Variants in PSD3 observed in about 807,000 individuals in gnomAD.
The protein encoded by PSD3 is pleckstrin and Sec7 domain containing 3.
A neutral mutation model predicts 105.5 loss-of-function variants in PSD3; 49 were observed. That is an observed-to-expected ratio of 0.46 (90% confidence interval 0.37 to 0.59). The LOEUF (loss-of-function observed/expected upper bound fraction) is 0.59, where lower values mean the gene tolerates loss of function less well. Ranked by LOEUF, PSD3 falls within the 20% of genes least tolerant of loss-of-function variation. The probability of loss-of-function intolerance (pLI) is 0.00; values close to 1 mark genes in which losing one functional copy is unlikely to be tolerated. For missense variants in PSD3, 1,561 were observed against 1,263.8 expected (o/e 1.24, Z -3.57); for synonymous variants, 557 against 457.8 (o/e 1.22, Z -2.77).
intron 1 of PSD3, among the ~76,000 whole-genome samples, chr8:18,959,203 G>C (rs60813598): frequency 0.41 from 61,797 of 152,020 alleles, 12,783 homozygotes; most frequent in African/African-American, 0.44. Context: ...TTACGGGCGT[G>C]AGCCACCACG....
intron 9 of PSD3, chr8:18,730,002 T>C (rs1563205155): frequency 6.6e-6 from 1 of 152,146 alleles, no homozygotes; most frequent in Non-Finnish European, 1.5e-5. Flanking sequence ...GAAGAAAGCA[T>C]CATAAAGCAA....
chr8:18,653,521 C>T (rs898304149), intron 10 of PSD3, among the ~76,000 whole-genome samples: 4 of 152,152 alleles, frequency 2.6e-5, no homozygotes, highest in African/African-American at 9.6e-5. Context: ...AAAGAGGAAA[C>T]TGAGGACTAC....
At chr8:18,727,451 A>T (rs1002233801) in intron 9 of PSD3, among the ~76,000 whole-genome samples, 1 of 151,462 alleles carries the variant, frequency 6.6e-6, no homozygotes. Flanking sequence ...TGGAGGCTGC[A>T]GTAAGCCACG....
intron 9 of PSD3, among the ~76,000 whole-genome samples, chr8:18,758,151 T>C (rs546058095): frequency 1.6e-4 from 24 of 152,292 alleles, no homozygotes; most frequent in African/African-American, 5.5e-4. Context: ...ACCAGAATGT[T>C]GACATTAATA....
At chr8:19,025,264 G>A (rs1223587238) in intron 1 of PSD3, among the ~76,000 whole-genome samples, 3 of 152,168 alleles carry the variant, frequency 2.0e-5, no homozygotes, top group Non-Finnish European at 4.4e-5. Flanking sequence ...GTAAACATGG[G>A]TGACACCACA....
intron 14 of PSD3, chr8:18,557,429 C>T (rs767072652): frequency 1.3e-5 from 2 of 153,416 alleles, no homozygotes; most frequent in African/African-American, 2.4e-5. Flanking sequence ...TAGAAGAAAA[C>T]GTGTCCAGAA....
intron 10 of PSD3, among the ~76,000 whole-genome samples, chr8:18,644,819 T>C (rs1384711308): frequency 6.6e-6 from 1 of 152,240 alleles, no homozygotes; most frequent in Non-Finnish European, 1.5e-5. Context: ...TGTTTTGGGT[T>C]GCTGTGAAAG....
chr8:18,672,647 G>A (rs73591507), intron 9 of PSD3, among the ~76,000 whole-genome samples: 11,986 of 152,112 alleles, frequency 0.079, 975 homozygotes, highest in African/African-American at 0.19. Context: ...AACTATTATC[G>A]GTATTGTTGC....
intron 11 of PSD3, among the ~76,000 whole-genome samples, chr8:18,618,371 C>T (rs1369519970): frequency 6.6e-6 from 1 of 151,392 alleles, no homozygotes; most frequent in East Asian, 1.9e-4. Flanking sequence ...CTCAGGTCAT[C>T]CTGAGGCTAC....
chr8:18,913,078 C>CACACAA (rs1820345485), intron 2 of PSD3, among the ~76,000 whole-genome samples: 1 of 122,876 alleles, frequency 8.1e-6, no homozygotes, highest in African/African-American at 3.1e-5. Context: ...AACACACACA[C>CACACAA]ACACACAAAC....
At chr8:18,594,009 G>A (rs1452948597) in intron 12 of PSD3, among the ~76,000 whole-genome samples, 1 of 143,292 alleles carries the variant, frequency 7.0e-6, no homozygotes, top group Non-Finnish European at 1.5e-5. Flanking sequence ...AGCATTAAGA[G>A]ACATACCTAA....
At chr8:18,983,604 G>A (rs1380957200) in intron 1 of PSD3, among the ~76,000 whole-genome samples, 2 of 152,132 alleles carry the variant, frequency 1.3e-5, no homozygotes, top group Admixed American at 6.5e-5. Context: ...CGGGACAGGG[G>A]AAGGACCAGT....
intron 4 of PSD3, among the ~76,000 whole-genome samples, chr8:18,853,851 T>C (rs761839746): frequency 6.6e-6 from 1 of 152,144 alleles, no homozygotes; most frequent in Non-Finnish European, 1.5e-5. Context: ...GCAGCACAAC[T>C]CCACTAGGGA....
intron 12 of PSD3, among the ~76,000 whole-genome samples, chr8:18,588,141 G>A (rs1199361591): frequency 6.6e-6 from 1 of 152,174 alleles, no homozygotes; most frequent in East Asian, 1.9e-4. Context: ...TCAGCAGCAG[G>A]CAGTATCCTA....
At chr8:19,015,083 A>G (rs1278527868), upstream of PSD3, among the ~76,000 whole-genome samples, 1 of 152,180 alleles carries the variant, frequency 6.6e-6, no homozygotes, top group Non-Finnish European at 1.5e-5. Flanking sequence ...TAAGTCCCGC[A>G]GTTCCCAGGT....
intron 8 of PSD3, among the ~76,000 whole-genome samples, chr8:18,765,978 ACC>A (rs1725330104): frequency 4.1e-5 from 6 of 147,962 alleles, no homozygotes; most frequent in Admixed American, 2.0e-4. Flanking sequence ...AAAAAAAAAA[ACC>A]AAAAACAAAA....
At chr8:18,767,325 T>A (rs1020978334) in intron 8 of PSD3, among the ~76,000 whole-genome samples, 4 of 152,180 alleles carry the variant, frequency 2.6e-5, no homozygotes, top group African/African-American at 9.7e-5. Context: ...GGAGGATTTT[T>A]AGGTTCCGTA....
intron 9 of PSD3, among the ~76,000 whole-genome samples, chr8:18,705,018 G>A (rs763044499): frequency 4.6e-5 from 7 of 151,932 alleles, no homozygotes; most frequent in African/African-American, 7.3e-5. Flanking sequence ...AATGCAAATC[G>A]AGACAATGAG....
At chr8:18,937,759 T>A (rs1822241533) in intron 1 of PSD3, among the ~76,000 whole-genome samples, 1 of 152,218 alleles carries the variant, frequency 6.6e-6, no homozygotes, top group African/African-American at 2.4e-5. Context: ...TTTGGGGAGC[T>A]TCAGGCTAGT....
Sources: allele counts gnomAD v4.1 joint callset (sites outside exome capture counted in the v4.1 genomes callset), GRCh38; gene constraint gnomAD v4.1.1; transcripts MANE v1.5; gene names NCBI Gene and HGNC (gene_info 2026-07-23, HGNC 2026-07-21).